Variants in CAST observed in about 807,000 individuals in gnomAD.
CAST encodes the protein calpastatin.
In CAST, 76 loss-of-function variants were observed where a neutral mutation model predicts 119.6. That is an observed-to-expected ratio of 0.64 (90% CI 0.53 to 0.77). The LOEUF (loss-of-function observed/expected upper bound fraction) is 0.77. Ranked by LOEUF, CAST falls within the 30% of genes least tolerant of loss-of-function variation. CAST has a pLI of 0.00. For missense variants in CAST, 953 were observed against 946.5 expected, an observed-to-expected ratio of 1.01 and a Z score of -0.09; for synonymous variants, 319 against 331.6, an observed-to-expected ratio of 0.96 and a Z score of 0.41.
the CAST span, among the ~76,000 whole-genome samples, chr5:96,118,464 G>A: frequency 6.6e-6 from 1 of 152,112 alleles, no homozygotes; most frequent in South Asian, 2.1e-4. Context: ...TAGAGTTTGT[G>A]AATAAAGCTT....
At chr5:96,241,734 T>A in the CAST span, among the ~76,000 whole-genome samples, 9,883 of 121,742 alleles carry the variant, frequency 0.081, 709 homozygotes, top group Middle Eastern at 0.13. Flanking sequence ...TGTTGTTTGC[T>A]GACTTTTTAA....
the CAST span, among the ~76,000 whole-genome samples, chr5:96,011,068 C>A: frequency 6.6e-6 from 1 of 152,158 alleles, no homozygotes; most frequent in African/African-American, 2.4e-5. Flanking sequence ...TTAACTTCTT[C>A]TTTGCCTATT....
At chr5:96,131,484 T>A in the CAST span, among the ~76,000 whole-genome samples, 2 of 152,000 alleles carry the variant, frequency 1.3e-5, no homozygotes, top group African/African-American at 4.8e-5. Flanking sequence ...CAAGCATGAT[T>A]GCCGTATGTT....
chr5:96,359,320 T>C, the CAST span, among the ~76,000 whole-genome samples: 1 of 152,240 alleles, frequency 6.6e-6, no homozygotes, highest in Admixed American at 6.5e-5. Context: ...TTGGGACATT[T>C]AGCCCATTTA....
the CAST span, among the ~76,000 whole-genome samples, chr5:96,331,103 T>C: frequency 6.6e-5 from 10 of 152,212 alleles, no homozygotes; most frequent in African/African-American, 2.4e-4. Context: ...AAGATTTTTA[T>C]GTTCAGTTTT....
chr5:95,966,432 G>T, the CAST span, among the ~76,000 whole-genome samples: 3 of 152,240 alleles, frequency 2.0e-5, no homozygotes, highest in Non-Finnish European at 2.9e-5. Context: ...AAGGACACTG[G>T]ACTTGGGCTG....
At chr5:96,491,490 CA>C in the CAST span, among the ~76,000 whole-genome samples, 55 of 56,748 alleles carry the variant, frequency 9.7e-4, no homozygotes, top group East Asian at 4.3e-3. Flanking sequence ...GACTCCATCT[CA>C]AAAAAAAAAA....
chr5:96,626,514 C>T (rs527671945), intron 1 of CAST, among the ~76,000 whole-genome samples: 18 of 152,274 alleles, frequency 1.2e-4, no homozygotes, highest in Admixed American at 2.6e-4. Flanking sequence ...TGCATGGATG[C>T]GCTCCCTCCT....
At chr5:96,441,489 G>T in the CAST span, among the ~76,000 whole-genome samples, 29,630 of 151,846 alleles carry the variant, frequency 0.2, 3,125 homozygotes, top group East Asian at 0.33. Flanking sequence ...TCACACATCT[G>T]CCTTGAGAAC....
the CAST span, among the ~76,000 whole-genome samples, chr5:96,378,731 C>A: frequency 6.6e-6 from 1 of 151,806 alleles, no homozygotes; most frequent in African/African-American, 2.4e-5. Flanking sequence ...AAAAGAATAC[C>A]AACTTATACT....
At chr5:96,262,095 A>G in the CAST span, among the ~76,000 whole-genome samples, 1 of 152,236 alleles carries the variant, frequency 6.6e-6, no homozygotes, top group Admixed American at 6.5e-5. Context: ...TTTTCTTGGG[A>G]AAGTAGTCTT....
chr5:96,512,776 A>G, the CAST span, among the ~76,000 whole-genome samples: 1 of 152,262 alleles, frequency 6.6e-6, no homozygotes, highest in Non-Finnish European at 1.5e-5. Flanking sequence ...TTAAATACTT[A>G]GTATTAATAT....
the CAST span, among the ~76,000 whole-genome samples, chr5:95,974,436 A>G: frequency 6.6e-6 from 1 of 152,210 alleles, no homozygotes; most frequent in Non-Finnish European, 1.5e-5. Context: ...GTTTTCATCA[A>G]GTGTTTGTAC....
chr5:96,708,973 A>G (rs1021057381), intron 3 of CAST, among the ~76,000 whole-genome samples: 1 of 152,202 alleles, frequency 6.6e-6, no homozygotes, highest in Non-Finnish European at 1.5e-5. Flanking sequence ...ATTGTTTTCC[A>G]TGAGAGTCCT....
upstream of CAST, among the ~76,000 whole-genome samples, chr5:96,528,608 T>G (rs897833252): frequency 3.9e-5 from 6 of 152,184 alleles, no homozygotes; most frequent in Non-Finnish European, 8.8e-5. Flanking sequence ...CCCTTGGATG[T>G]GATAAGACAA....
intron 21 of CAST, 73 bp downstream of exon 21, chr5:96,754,234 AT>A: frequency 1.1e-6 from 1 of 943,318 alleles, no homozygotes; most frequent in Non-Finnish European, 1.7e-6. Context: ...TAAGTTAGTC[AT>A]TTGTTTTGTT....
At chr5:96,588,786 T>C (rs1015690716) in intron 1 of CAST, among the ~76,000 whole-genome samples, 2 of 152,204 alleles carry the variant, frequency 1.3e-5, no homozygotes, top group African/African-American at 4.8e-5. Flanking sequence ...CTTTGTCCCA[T>C]GATTTCTCTA....
intron 7 of CAST, 73 bp downstream of exon 7, chr5:96,729,282 A>G (rs1759970367): frequency 1.2e-6 from 1 of 844,474 alleles, no homozygotes; most frequent in Non-Finnish European, 2.0e-6. Context: ...TCTTTCATTA[A>G]TTCAAAACTA....
intron 1 of CAST, chr5:96,529,930 T>G: frequency 3.1e-6 from 1 of 326,692 alleles, no homozygotes; most frequent in Non-Finnish European, 6.1e-6. Flanking sequence ...TCTTGGGTGT[T>G]TTTTCATAGA....
Sources: gnomAD v4.1 joint callset for allele counts (sites outside exome capture counted in the v4.1 genomes callset) on GRCh38, gnomAD v4.1.1 for gene constraint, MANE v1.5 for transcripts, NCBI Gene and HGNC (gene_info 2026-07-23, HGNC 2026-07-21) for gene names.